Variants in EXOC2 observed in about 807,000 individuals in gnomAD.
EXOC2 encodes SEC5-like 1.
A neutral mutation model predicts 131.8 loss-of-function variants in EXOC2; 70 were observed. That is an observed-to-expected ratio of 0.53 (90% CI 0.44 to 0.65). The LOEUF (loss-of-function observed/expected upper bound fraction) is 0.65. EXOC2 is among the 30% of genes least tolerant of loss of function. The pLI, the probability that EXOC2 is intolerant of heterozygous loss-of-function variation, is 0.00. For missense variants in EXOC2, 923 were observed against 1,108.6 expected, an observed-to-expected ratio of 0.83 and a Z score of 2.38; for synonymous variants, 411 against 398.4, an observed-to-expected ratio of 1.03 and a Z score of -0.38.
chr6:621,531 C>T (rs1310441284), intron 4 of EXOC2, among the ~76,000 whole-genome samples: 9 of 152,218 alleles, frequency 5.9e-5, no homozygotes, highest in Non-Finnish European at 1.0e-4. Context: ...CATTCACATT[C>T]GGTAACACTG....
At chr6:654,811 A>AAAC in intron 1 of EXOC2, among the ~76,000 whole-genome samples, 2 of 98,522 alleles carry the variant, frequency 2.0e-5, no homozygotes, top group African/African-American at 7.9e-5. Flanking sequence ...CTCAAAAAAA[A>AAAC]AAAAAAAAAA....
intron 25 of EXOC2, 120 bp downstream of exon 25, chr6:497,247 T>A (rs1763795319): frequency 1.6e-5 from 14 of 851,956 alleles, no homozygotes; most frequent in Non-Finnish European, 2.5e-5. Flanking sequence ...GAATATGAAC[T>A]TCTTCAATCA....
intron 1 of EXOC2, chr6:656,807 G>A (rs1377234729): frequency 1.2e-6 from 2 of 1,606,888 alleles, no homozygotes; most frequent in Admixed American, 1.7e-5. Flanking sequence ...GGAGGCCGCC[G>A]GAACCCGCGG....
At chr6:692,990 G>C (rs1765022517) in intron 1 of EXOC2, 29 bp downstream of exon 1, 1 of 152,760 alleles carries the variant, frequency 6.5e-6, no homozygotes, top group Non-Finnish European at 1.5e-5. Flanking sequence ...GCTGGCCTTC[G>C]GCCAGGCCCT....
intron 22 of EXOC2, among the ~76,000 whole-genome samples, chr6:534,033 GA>G (rs1297880299): frequency 6.6e-6 from 1 of 152,188 alleles, no homozygotes; most frequent in Non-Finnish European, 1.5e-5. Flanking sequence ...AAGATTTCCA[GA>G]GGTGAAACAT....
chr6:497,997 G>T (rs1763841450), intron 24 of EXOC2, among the ~76,000 whole-genome samples: 1 of 152,088 alleles, frequency 6.6e-6, no homozygotes, highest in Non-Finnish European at 1.5e-5. Context: ...CATTTTATTT[G>T]ACTTACATTA....
chr6:582,645 G>A (rs947997746), intron 11 of EXOC2, among the ~76,000 whole-genome samples: 39 of 151,610 alleles, frequency 2.6e-4, no homozygotes, highest in African/African-American at 8.0e-4. Flanking sequence ...GTGGGGGTGC[G>A]GTGGGCGTAT....
At chr6:692,118 T>C (rs1227142556) in intron 1 of EXOC2, among the ~76,000 whole-genome samples, 1 of 151,062 alleles carries the variant, frequency 6.6e-6, no homozygotes, top group East Asian at 1.9e-4. Flanking sequence ...TATTGCATAG[T>C]GCACACAAAA....
At chr6:533,973 A>G (rs1291675741) in intron 22 of EXOC2, among the ~76,000 whole-genome samples, 2 of 152,256 alleles carry the variant, frequency 1.3e-5, no homozygotes, top group African/African-American at 4.8e-5. Flanking sequence ...AACAACTTGA[A>G]CAGAAAAAAG....
intron 6 of EXOC2, among the ~76,000 whole-genome samples, 178 bp downstream of exon 6, chr6:617,533 T>G (rs1269611103): frequency 6.6e-6 from 1 of 152,228 alleles, no homozygotes; most frequent in East Asian, 1.9e-4. Context: ...AGATAAATTT[T>G]TAAAGTACCA....
chr6:616,250 A>G (rs113509004), intron 6 of EXOC2, among the ~76,000 whole-genome samples: 1 of 152,238 alleles, frequency 6.6e-6, no homozygotes, highest in African/African-American at 2.4e-5. Flanking sequence ...ACACATATTT[A>G]TCAGGAAGAG....
chr6:509,706 C>T (rs997573351), intron 23 of EXOC2, among the ~76,000 whole-genome samples: 4 of 152,170 alleles, frequency 2.6e-5, no homozygotes, highest in African/African-American at 9.7e-5. Context: ...GCCATCTTAA[C>T]CTATACCAAG....
chr6:506,156 T>C lies in EXOC2; in HGVS notation c.2381-6456A>G, dbSNP rs1364695592. 6.6e-6 allele frequency among the ~76,000 whole-genome samples: 1 copy of C among 152,358 alleles called. No individual in the cohort carries two copies. The highest frequency in any genetic ancestry group is 1.5e-5 in the Non-Finnish European group (1 of 68,034). ...AAAGTAAGTACAGTAGTATAGAATA[T>C]TGCTGAGGCTTAATCTATTTGCTTT... On this transcript the variant is annotated intron_variant, in intron 23 of 27. Transcript: ENST00000230449. The surrounding 1 kb of genome is among the most constrained non-coding windows in gnomAD (Gnocchi z 4.4).
rs561157622 is a variant in EXOC2, at chr6:604,149, C to T, written c.743-4924G>A. Reference sequence around the variant, plus strand: ...TGAGAGCTAGCAAAACCCATCAGCACGACCCTCAGGAATCTCAAATTCAAC... The same window carrying T: ...TGAGAGCTAGCAAAACCCATCAGCATGACCCTCAGGAATCTCAAATTCAAC... On this transcript the variant is annotated intron_variant, in intron 7 of 27. Transcript: ENST00000230449. 2.0e-5 allele frequency among the ~76,000 whole-genome samples: 3 copies of T among 152,314 alleles called. No homozygotes were observed. In the South Asian group the frequency reaches 6.2e-4, roughly 32 times the overall value.
chr6:609,684 C>T lies in EXOC2; in HGVS notation c.742+414G>A, dbSNP rs140939641. ...GCAAGTTATACACAAATAAATGACC[C>T]CTAAGAATCTGTTACTCTTGTGGCT... On this transcript the variant is annotated intron_variant, in intron 7 of 27. Transcript: ENST00000230449. Among the ~76,000 whole-genome samples, 454 of 152,202 alleles carry T rather than the reference C, an allele frequency of 3.0e-3. 1 individual carries two copies. The highest frequency in any genetic ancestry group is 0.01 in the African/African-American group (426 of 41,534).
chr6:599,501 T>C (rs1760008562), intron 7 of EXOC2, among the ~76,000 whole-genome samples: 1 of 152,222 alleles, frequency 6.6e-6, no homozygotes, highest in Non-Finnish European at 1.5e-5. Flanking sequence ...TTTATTTTCA[T>C]TACACTTCTA....
chr6:494,252 T>C (rs1477416475), intron 25 of EXOC2, among the ~76,000 whole-genome samples: 1 of 152,212 alleles, frequency 6.6e-6, no homozygotes, highest in Non-Finnish European at 1.5e-5. Context: ...CTTTCCCAAA[T>C]ATGTATTTTG....
At chr6:571,505 A>C (rs1758275588) in intron 13 of EXOC2, among the ~76,000 whole-genome samples, 1 of 152,228 alleles carries the variant, frequency 6.6e-6, no homozygotes, top group African/African-American at 2.4e-5. Context: ...TATTTCCTTA[A>C]TATCAGCATG....
chr6:545,368 C>T (rs1031478559), intron 22 of EXOC2, among the ~76,000 whole-genome samples: 30 of 152,236 alleles, frequency 2.0e-4, no homozygotes, highest in Non-Finnish European at 3.4e-4. Flanking sequence ...AAATTATACG[C>T]TGAAGTTTAT....
Sources: gnomAD v4.1 joint callset for allele counts (sites outside exome capture counted in the v4.1 genomes callset) on GRCh38, gnomAD v4.1.1 for gene constraint, Gnocchi (gnomAD v3.1) non-coding constraint, MANE v1.5 for transcripts, NCBI Gene and HGNC (gene_info 2026-07-23, HGNC 2026-07-21) for gene names.